The following PTPRU variants were observed in gnomAD, a reference collection of about 807,000 sequenced individuals.
PTPRU encodes the protein protein tyrosine phosphatase receptor type U.
PTPRU carries 69 observed loss-of-function variants against 166.3 expected under a neutral mutation model. The observed-to-expected ratio is 0.41, with a 90% CI of 0.34 to 0.51. PTPRU has a LOEUF of 0.51. Ranked by LOEUF, PTPRU falls within the 20% of genes least tolerant of loss-of-function variation. The pLI is 0.09. For missense variants in PTPRU, 1,657 were observed against 2,013.7 expected, an observed-to-expected ratio of 0.82 and a Z score of 3.39; for synonymous variants, 793 against 814.0, an observed-to-expected ratio of 0.97 and a Z score of 0.44.
rs140074105 is a variant in PTPRU, at chr1:29,313,674, A to G, written c.3227+968A>G. Among the ~76,000 whole-genome samples the G allele has an allele frequency of 4.5e-3, 688 of 152,192 alleles. 6 individuals carry two copies. The highest frequency in any genetic ancestry group is 0.016 in the African/African-American group (660 of 41,514). ...AGTTCGAGACCAGCCTGGGCAACAT[A>G]GTGAGACCTCATTGCTACAAAAATA... On this transcript the variant is annotated intron_variant, in intron 22 of 29. Transcript: ENST00000373779.
intron 15 of PTPRU, among the ~76,000 whole-genome samples, chr1:29,303,358 C>T (rs763175271): frequency 1.3e-5 from 2 of 152,234 alleles, no homozygotes; most frequent in Non-Finnish European, 2.9e-5. Flanking sequence ...ACTGCCTGCG[C>T]AGGAGAAAGG....
At chr1:29,325,480 C>T in intron 29 of PTPRU, 119 bp from the exon 30 acceptor site, 1 of 1,505,724 alleles carries the variant, frequency 6.6e-7, no homozygotes, top group African/African-American at 1.4e-5. Flanking sequence ...TCTCCCTTCT[C>T]CCCGAGGGCG....
chr1:29,236,672 G>T lies in PTPRU; in HGVS notation c.28G>T (p.Ala10Ser). The change falls in exon 1 of 30, where the codon GCA (alanine) becomes TCA (serine). Residue 10 changes from alanine (A) to serine (S), a missense_variant. By Grantham distance (99) the Ala-to-Ser change is moderately conservative. Around this residue, in one of 3 missense-constraint regions of PTPRU, gnomAD observed 453 missense variants for 496.9 expected, o/e 0.91. Transcript: ENST00000373779. This position sits in a 1 kb window ranked among gnomAD's most constrained non-coding sequence, Gnocchi z 4.6. Reference protein sequence around the residue: MARAQALVLALTFQLCAPET... With the variant: MARAQALVLSLTFQLCAPET... Reference sequence around the variant, plus strand: ...GGCCCGTGCCCAGGCGCTCGTGCTGGCACTCACCTTCCAGCTCTGCGCGCC... The same window carrying T: ...GGCCCGTGCCCAGGCGCTCGTGCTGTCACTCACCTTCCAGCTCTGCGCGCC... 1 of 1,458,854 alleles carries T rather than the reference G, an allele frequency of 6.9e-7. No homozygotes were observed. The highest frequency in any genetic ancestry group is 1.3e-5 in the South Asian group (1 of 75,810). 90.4% of individuals were successfully genotyped at this position (1,458,854 alleles called of 1,614,324 possible). A position where few individuals can be genotyped will look rare whatever the true frequency, so the allele number is the denominator to read the frequency against.
chr1:29,254,337 C>G (rs775448754), intron 1 of PTPRU, among the ~76,000 whole-genome samples: 3 of 152,180 alleles, frequency 2.0e-5, no homozygotes, highest in Non-Finnish European at 4.4e-5. Context: ...TTGATGAACT[C>G]ACTAAGATAT....
At position 29,311,904 on chromosome 1, in the gene PTPRU, C is replaced by A. The variant is rs1351658553; in HGVS notation, c.3072+145C>A. ...AAGGAAGCTACTTGGTCACTGTTGG[C>A]TGGGAGCACTCTAGAAGGGCAGGAA... On this transcript the variant is annotated intron_variant, in intron 21 of 29. Transcript: ENST00000373779. The surrounding 1 kb of genome is among the most constrained non-coding windows in gnomAD (Gnocchi z 4.1). The A allele has an allele frequency of 4.9e-6, 4 of 818,196 alleles. No individual in the cohort carries two copies. The highest frequency in any genetic ancestry group is 4.6e-5 in the Admixed American group (2 of 43,078). The allele number at this position is 818,196 out of a possible 1,614,324, so 50.7% of individuals were successfully genotyped here.
rs1382413955 is a variant in PTPRU at position 29,291,594 on chromosome 1, G to A, written c.2319-275G>A. On this transcript the variant is annotated intron_variant, in intron 14 of 29. Transcript: ENST00000373779. This position sits in a 1 kb window ranked among gnomAD's most constrained non-coding sequence, Gnocchi z 4.1. The stretch of plus-strand genomic sequence containing the variant: ...AAGCCCAGGGGGCCAGTGAAACTTA[G>A]GAGTGAGATCCCAGCCTGAAGCCAC... Among the ~76,000 whole-genome samples, 1 of 152,184 alleles carries A rather than the reference G, an allele frequency of 6.6e-6. No individual in the cohort carries two copies. The highest frequency in any genetic ancestry group is 1.9e-4 in the East Asian group (1 of 5,168).
At chr1:29,270,503 A>C (rs1358141517) in intron 7 of PTPRU, among the ~76,000 whole-genome samples, 2 of 152,126 alleles carry the variant, frequency 1.3e-5, no homozygotes, top group Non-Finnish European at 2.9e-5. Flanking sequence ...ATGAGGTCTC[A>C]CTACTATGTT....
At chr1:29,308,585 A>AAAAAG (rs1003417351) in intron 18 of PTPRU, among the ~76,000 whole-genome samples, 6 of 150,602 alleles carry the variant, frequency 4.0e-5, no homozygotes, top group Middle Eastern at 3.4e-3. Flanking sequence ...AAAAAAAAAA[A>AAAAAG]AGAGAGAGAG....
rs950804390 is a variant in PTPRU at position 29,275,832 on chromosome 1, T to C, written c.1453+76T>C. The stretch of plus-strand genomic sequence containing the variant: ...CGCCATGTCTGAGACTGAAATTTAC[T>C]GAGGGTATTTTTTTCTTTTTTTTGC... On this transcript the variant is annotated intron_variant, in intron 8 of 29. Coordinates refer to ENST00000373779, the MANE Select transcript of PTPRU (RefSeq NM_133178.4). The C allele has an allele frequency of 3.1e-5, 46 of 1,484,980 alleles. No homozygotes were observed. In the East Asian group the frequency reaches 5.1e-4, roughly 17 times the overall value. 92.0% of individuals were successfully genotyped at this position (1,484,980 alleles called of 1,614,324 possible).
intron 22 of PTPRU, among the ~76,000 whole-genome samples, chr1:29,314,639 G>A (rs1687816901): frequency 2.0e-5 from 3 of 151,644 alleles, no homozygotes; most frequent in Admixed American, 2.0e-4. Flanking sequence ...GTGCAGTGGT[G>A]TGGTCTTGGT....
intron 7 of PTPRU, among the ~76,000 whole-genome samples, chr1:29,262,902 G>A (rs192586699): frequency 2.0e-5 from 3 of 152,108 alleles, no homozygotes; most frequent in Non-Finnish European, 4.4e-5. Flanking sequence ...CTATGGATTT[G>A]CCTCTCTGTG....
At position 29,315,324 on chromosome 1, in the gene PTPRU, G is replaced by A; in HGVS notation, c.3228-48G>A. 1 of 1,611,364 alleles carries A rather than the reference G, an allele frequency of 6.2e-7. No individual in the cohort carries two copies. Among genetic ancestry groups the A allele is most frequent in the Non-Finnish European group, 8.5e-7 (1 of 1,178,914 alleles). ...CCTCTCTTCTTCTCCTTAGTCCCGG[G>A]CTTCCTCCCCAAAGCTCTGACCTGG... On this transcript the variant is annotated intron_variant, in intron 22 of 29. Coordinates refer to ENST00000373779, the MANE Select transcript of PTPRU (RefSeq NM_133178.4). The surrounding 1 kb of genome is among the most constrained non-coding windows in gnomAD (Gnocchi z 4.5).
rs1348619642 is a variant in PTPRU, at chr1:29,325,442, C to G, written c.4248+116C>G. ...CCCACCACTGGGCCTTGGTTCTAGC[C>G]CTGTGGTCCTAAAACATTACCCCCA... is the stretch of plus-strand genomic sequence containing the variant. On this transcript the variant is annotated intron_variant, in intron 29 of 29. Coordinates refer to ENST00000373779, the MANE Select transcript of PTPRU (RefSeq NM_133178.4). 1.2e-5 allele frequency: 18 copies of G among 1,516,586 alleles called. No individual in the cohort carries two copies. The Admixed American group carries it at 3.1e-4, about 26-fold the overall frequency. The allele number at this position is 1,516,586 out of a possible 1,614,324, so 93.9% of individuals were successfully genotyped here. A position where few individuals can be genotyped will look rare whatever the true frequency, so the allele number is the denominator to read the frequency against.
rs769676100 is a variant in PTPRU at position 29,275,420 on chromosome 1, T to A, written c.1145-28T>A. The A allele has an allele frequency of 3.2e-6, 5 of 1,573,660 alleles. No individual in the cohort carries two copies. In the African/African-American group the frequency reaches 4.1e-5, roughly 13 times the overall value. On this transcript the variant is annotated intron_variant, in intron 7 of 29. Coordinates refer to ENST00000373779, the MANE Select transcript of PTPRU (RefSeq NM_133178.4). ...TCTTCTCTTCCCATTTCTTCTAACTTCTTCTCTCTGCTTCCTGCATTCTCC... is the reference window on the plus strand; with the variant it reads ...TCTTCTCTTCCCATTTCTTCTAACTACTTCTCTCTGCTTCCTGCATTCTCC...
Position 29,320,751 on chromosome 1 carries a change from T to C in PTPRU, c.3754T>C (p.Trp1252Arg), listed in dbSNP as rs1265010777. Residue 1252 changes from tryptophan to arginine, a missense_variant, in exon 26 of 30, where the codon TGG becomes CGG. This residue lies in a region of PTPRU where 1,190 missense variants were observed against 1,477.4 expected (regional missense o/e 0.81). Transcript: ENST00000373779. The surrounding 1 kb of genome is among the most constrained non-coding windows in gnomAD (Gnocchi z 5.2). ...HPLQSTTPDF[W>R]RLVYDYGCTS... ...GCTGCAGAGCACCACGCCCGACTTC[T>C]GGCGGCTGGTCTACGATTACGGGTG... is the stretch of plus-strand genomic sequence containing the variant. The C allele has an allele frequency of 6.2e-7, 1 of 1,609,394 alleles. No homozygotes were observed. Among genetic ancestry groups the C allele is most frequent in the South Asian group, 1.1e-5 (1 of 90,794 alleles).
rs1401361006 is a variant in PTPRU at position 29,257,073 on chromosome 1, C to T, written c.206-1432C>T. Among the ~76,000 whole-genome samples, 1 of 151,872 alleles carries T rather than the reference C, an allele frequency of 6.6e-6. No individual in the cohort carries two copies. The highest frequency in any genetic ancestry group is 1.9e-4 in the East Asian group (1 of 5,176). The stretch of plus-strand genomic sequence containing the variant: ...ATGGAGAGAGGAGAAGGAAGAGCGA[C>T]AGGGACAAAGGGAGTAAATGAAAGA... On this transcript the variant is annotated intron_variant, in intron 2 of 29. Coordinates refer to ENST00000373779, the MANE Select transcript of PTPRU (RefSeq NM_133178.4). The surrounding 1 kb of genome is among the most constrained non-coding windows in gnomAD (Gnocchi z 4.6).
In PTPRU at chr1:29,315,939, C is replaced by T; in HGVS notation, c.3364-63C>T. 1 of 1,583,590 alleles carries T rather than the reference C, an allele frequency of 6.3e-7. No individual in the cohort carries two copies. The highest frequency in any genetic ancestry group is 8.6e-7 in the Non-Finnish European group (1 of 1,160,664). ...CTTCAACCTTGAGCTTGCTTAAGCC[C>T]CATCACCACAGATCTCCAGCTTCTA... On this transcript the variant is annotated intron_variant, in intron 23 of 29. Coordinates refer to ENST00000373779, the MANE Select transcript of PTPRU (RefSeq NM_133178.4). This position sits in a 1 kb window ranked among gnomAD's most constrained non-coding sequence, Gnocchi z 4.5.
chr1:29,296,991 C>T (rs1178566915), intron 15 of PTPRU, among the ~76,000 whole-genome samples: 1 of 150,590 alleles, frequency 6.6e-6, no homozygotes, highest in Non-Finnish European at 1.5e-5. Flanking sequence ...ATCATATTCT[C>T]CTTGTAATCT....
rs1687381125 is a variant in PTPRU at position 29,306,146 on chromosome 1, C to CCTG, written c.2820+723_2820+725dup. 2.0e-5 allele frequency among the ~76,000 whole-genome samples: 3 copies of CCTG among 152,208 alleles called. No homozygotes were observed. The South Asian group carries it at 6.2e-4, about 31-fold the overall frequency. ...TTGCTGCTGTGAGGCTGTCCTGCCC[C>CCTG]CTGCTGCAGCAGCAGCAGGACTTGG... On this transcript the variant is annotated intron_variant, in intron 18 of 29. Coordinates refer to ENST00000373779, the MANE Select transcript of PTPRU (RefSeq NM_133178.4).
Sources: gnomAD v4.1 joint callset for allele counts (sites outside exome capture counted in the v4.1 genomes callset) on GRCh38, gnomAD v4.1.1 for gene constraint, gnomAD v4.1.1 regional missense constraint, Gnocchi (gnomAD v3.1) non-coding constraint, MANE v1.5 for transcripts, NCBI Gene and HGNC (gene_info 2026-07-23, HGNC 2026-07-21) for gene names.